Variants in WDR7 observed in about 807,000 individuals in gnomAD.
The protein encoded by WDR7 is WD repeat domain 7.
WDR7 carries 46 observed loss-of-function variants against 169.4 expected under a neutral mutation model. That is an observed-to-expected ratio of 0.27 (90% CI 0.21 to 0.35). WDR7 has a LOEUF of 0.35. Among genes scored for constraint, WDR7 ranks in the 10% least tolerant of loss-of-function variants. The pLI is 1.00. For synonymous variants in WDR7, 612 were observed against 666.8 expected (o/e 0.92, Z 1.27); for missense variants, 1,534 against 1,859.3 (o/e 0.83, Z 3.22).
At position 56,816,545 on chromosome 18, in the gene WDR7, A is replaced by G. The variant is rs190230147; in HGVS notation, c.3304+401A>G. Among the ~76,000 whole-genome samples the G allele has an allele frequency of 2.6e-5, 4 of 152,380 alleles. No individual in the cohort carries two copies. The East Asian group carries it at 7.7e-4, about 29-fold the overall frequency. On this transcript the variant is annotated intron_variant, in intron 20 of 27. Transcript: ENST00000254442. ...TCACAATATATACAATATAAGCTGT[A>G]TAGGAAGACTTACTCTTTATACCTA...
intron 19 of WDR7, chr18:56,782,038 T>G (rs2044325286): frequency 6.5e-6 from 1 of 154,272 alleles, no homozygotes; most frequent in African/African-American, 2.4e-5. Flanking sequence ...CTCTTGCTAG[T>G]TAAAGTTGGG....
At chr18:56,869,623 T>C (rs2045927200) in intron 20 of WDR7, among the ~76,000 whole-genome samples, 1 of 152,186 alleles carries the variant, frequency 6.6e-6, no homozygotes, top group South Asian at 2.1e-4. Context: ...GCTTTGATAA[T>C]AATGTGAAAA....
chr18:56,991,215 C>T (rs1429433384), intron 26 of WDR7, among the ~76,000 whole-genome samples: 2 of 147,184 alleles, frequency 1.4e-5, no homozygotes, highest in Non-Finnish European at 3.0e-5. Context: ...GGCACGATCG[C>T]GGCTCACCGC....
chr18:57,007,184 T>G (rs2048072874), intron 26 of WDR7, among the ~76,000 whole-genome samples: 1 of 152,166 alleles, frequency 6.6e-6, no homozygotes, highest in Non-Finnish European at 1.5e-5. Flanking sequence ...TTTCACCATG[T>G]TAGCCACGAT....
In WDR7 at chr18:57,012,513, T is replaced by C. The variant is rs757618193; in HGVS notation, c.4165-8232T>C. On this transcript the variant is annotated intron_variant, in intron 26 of 27. Coordinates refer to ENST00000254442, the MANE Select transcript of WDR7 (RefSeq NM_015285.3). Reference sequence around the variant, plus strand: ...CAAGGTGGCCTGGCTGACTGTTGCCTGTCCAGAATGAGGAGACGGACACTT... The same window carrying C: ...CAAGGTGGCCTGGCTGACTGTTGCCCGTCCAGAATGAGGAGACGGACACTT... 1.6e-4 allele frequency among the ~76,000 whole-genome samples: 24 copies of C among 152,316 alleles called. No homozygotes were observed. In the East Asian group the frequency reaches 3.7e-3, roughly 23 times the overall value.
chr18:56,859,787 T>A (rs1001622658), intron 20 of WDR7, among the ~76,000 whole-genome samples: 1 of 152,226 alleles, frequency 6.6e-6, no homozygotes, highest in Non-Finnish European at 1.5e-5. Flanking sequence ...TTAGTAATGA[T>A]GAGGAAGAAT....
intron 20 of WDR7, among the ~76,000 whole-genome samples, chr18:56,855,372 T>C (rs868138445): frequency 6.6e-6 from 1 of 152,188 alleles, no homozygotes; most frequent in South Asian, 2.1e-4. Flanking sequence ...TTCTTTAAGA[T>C]GCCTTTGATA....
intron 21 of WDR7, among the ~76,000 whole-genome samples, chr18:56,899,088 G>A (rs535928189): frequency 6.3e-4 from 96 of 152,176 alleles, no homozygotes; most frequent in African/African-American, 1.9e-3. Flanking sequence ...ATTAAGAATA[G>A]CAATTTAATG....
chr18:56,794,304 A>ATTTTTTTTTTCTTTTTTTTTTTTTTTT (rs2044544306), intron 19 of WDR7, among the ~76,000 whole-genome samples: 2 of 49,466 alleles, frequency 4.0e-5, no homozygotes, highest in Non-Finnish European at 7.6e-5. Context: ...GGTAAAGTCT[A>ATTTTTTTTTTCTTTTTTTTTTTTTTTT]TTTTTTTTTT....
chr18:56,696,916 G>A (rs141087697), intron 12 of WDR7, among the ~76,000 whole-genome samples: 236 of 152,254 alleles, frequency 1.6e-3, no homozygotes, highest in African/African-American at 5.3e-3. Context: ...TAACAAGGGA[G>A]ACAAAGCCTA....
At chr18:56,730,089 A>G (rs924437205) in intron 13 of WDR7, among the ~76,000 whole-genome samples, 2 of 152,112 alleles carry the variant, frequency 1.3e-5, no homozygotes, top group Non-Finnish European at 2.9e-5. Context: ...CTCTATCTCT[A>G]TTTAATCAAC....
chr18:56,698,489 C>T (rs1317097934), intron 12 of WDR7, among the ~76,000 whole-genome samples: 1 of 151,704 alleles, frequency 6.6e-6, no homozygotes, highest in African/African-American at 2.4e-5. Flanking sequence ...GCCTGTAGTC[C>T]CAGCTACTTG....
At chr18:56,879,826 G>A in intron 20 of WDR7, 118 bp from the exon 21 acceptor site, 1 of 737,912 alleles carries the variant, frequency 1.4e-6, no homozygotes, top group South Asian at 1.8e-5. Context: ...ATTTGTCCTA[G>A]TGCCATTTGC....
chr18:56,958,896 C>T (rs955594858), intron 25 of WDR7, among the ~76,000 whole-genome samples: 3 of 152,118 alleles, frequency 2.0e-5, no homozygotes, highest in African/African-American at 7.2e-5. Context: ...CTTTCTGTTG[C>T]ATCCTACTTG....
Position 56,694,970 on chromosome 18 carries a change from A to G in WDR7, c.1129A>G (p.Ile377Val), listed in dbSNP as rs765824913. 8.7e-6 allele frequency: 14 copies of G among 1,614,084 alleles called. No homozygotes were observed. Among genetic ancestry groups the G allele is most frequent in the Non-Finnish European group, 1.2e-5 (14 of 1,179,948 alleles). The stretch of plus-strand genomic sequence containing the variant: ...TACAGGGCTGGCAATGACAACTTCT[A>G]TTAGTTTGCAAGAGGCATTTGATAA... ...SEEGLAMTTSISLQEAFDKLN... is the reference protein window; with the variant it reads ...SEEGLAMTTSVSLQEAFDKLN... Residue 377 changes from isoleucine (I) to valine (V), a missense_variant, in exon 11 of 28, where the codon ATT (isoleucine) becomes GTT (valine). Coordinates refer to ENST00000254442, the MANE Select transcript of WDR7 (RefSeq NM_015285.3).
At chr18:56,724,848 C>T (rs2026407263) in intron 13 of WDR7, among the ~76,000 whole-genome samples, 2 of 152,068 alleles carry the variant, frequency 1.3e-5, no homozygotes, top group South Asian at 4.1e-4. Flanking sequence ...GTTCCCCTTC[C>T]TGTGTCCAGG....
At chr18:56,808,847 A>C (rs911021125) in intron 19 of WDR7, among the ~76,000 whole-genome samples, 2 of 152,202 alleles carry the variant, frequency 1.3e-5, no homozygotes, top group Admixed American at 1.3e-4. Flanking sequence ...TTTATATTTT[A>C]AAAAACTTCT....
chr18:56,986,958 A>T (rs2047730594), intron 26 of WDR7, among the ~76,000 whole-genome samples: 1 of 152,086 alleles, frequency 6.6e-6, no homozygotes, highest in Non-Finnish European at 1.5e-5. Context: ...CCTTTGGGAA[A>T]ACCACAGGGT....
At chr18:56,788,151 G>A (rs1421765375) in intron 19 of WDR7, among the ~76,000 whole-genome samples, 1 of 151,716 alleles carries the variant, frequency 6.6e-6, no homozygotes, top group African/African-American at 2.4e-5. Flanking sequence ...TTTTTTTGTT[G>A]AAATATTTCA....
Sources: gnomAD v4.1 joint callset for allele counts (sites outside exome capture counted in the v4.1 genomes callset) on GRCh38, gnomAD v4.1.1 for gene constraint, MANE v1.5 for transcripts, NCBI Gene and HGNC (gene_info 2026-07-23, HGNC 2026-07-21) for gene names.